Variants in MSRA observed in about 807,000 individuals in gnomAD.
MSRA encodes methionine sulfoxide reductase A.
Under a neutral mutation model 31.3 loss-of-function variants are expected in MSRA, and 54 were observed. That is an observed-to-expected ratio of 1.73 (90% confidence interval 1.39 to 2.17). The LOEUF (loss-of-function observed/expected upper bound fraction) is 2.17, where lower values mean the gene tolerates loss of function less well. Among genes scored for constraint, MSRA ranks in the 30% most tolerant of loss-of-function variants. The pLI is 0.00. For synonymous variants in MSRA, 169 were observed against 116.5 expected, an observed-to-expected ratio of 1.45 and a Z score of -2.90; for missense variants, 507 against 300.9, an observed-to-expected ratio of 1.69 and a Z score of -5.07.
intron 3 of MSRA, among the ~76,000 whole-genome samples, chr8:10,249,085 T>C (rs1419993489): frequency 6.6e-6 from 1 of 152,160 alleles, no homozygotes; most frequent in Non-Finnish European, 1.5e-5. Flanking sequence ...CTCTTGGGTG[T>C]TCTGGGCAGA....
At chr8:10,328,262 C>A (rs560806838) in intron 5 of MSRA, among the ~76,000 whole-genome samples, 1 of 133,322 alleles carries the variant, frequency 7.5e-6, no homozygotes, top group Admixed American at 7.6e-5. Context: ...CCTCCCCACT[C>A]ATTGACACCC....
At chr8:10,377,803 C>T (rs576202767) in intron 5 of MSRA, among the ~76,000 whole-genome samples, 2 of 152,218 alleles carry the variant, frequency 1.3e-5, no homozygotes, top group Admixed American at 6.5e-5. Context: ...TGAACAGCCA[C>T]GTGCTGGGTG....
chr8:10,349,779 G>A (rs6989061), intron 5 of MSRA, among the ~76,000 whole-genome samples: 24,789 of 152,272 alleles, frequency 0.16, 2,748 homozygotes, highest in Non-Finnish European at 0.25. Context: ...CCATCTCCCC[G>A]TTGCTGTTTT....
intron 5 of MSRA, among the ~76,000 whole-genome samples, chr8:10,334,118 C>A (rs1165505492): frequency 6.6e-6 from 1 of 151,316 alleles, no homozygotes; most frequent in Non-Finnish European, 1.5e-5. Context: ...TGCCTGCTTT[C>A]CTGCCTGCGT....
intron 5 of MSRA, among the ~76,000 whole-genome samples, chr8:10,370,814 T>C (rs1210408537): frequency 6.6e-6 from 1 of 152,236 alleles, no homozygotes; most frequent in African/African-American, 2.4e-5. Context: ...TGGCTGGCCA[T>C]GTGGATTTGT....
chr8:10,189,929 C>T (rs751817252), intron 1 of MSRA, among the ~76,000 whole-genome samples: 1 of 152,104 alleles, frequency 6.6e-6, no homozygotes, highest in South Asian at 2.1e-4. Context: ...TAGAGTTTCT[C>T]AGTGAAAATC....
chr8:10,197,253 G>A (rs1382649076), intron 1 of MSRA, among the ~76,000 whole-genome samples: 1 of 152,170 alleles, frequency 6.6e-6, no homozygotes, highest in Non-Finnish European at 1.5e-5. Flanking sequence ...AATATTATAT[G>A]CTTATCACAG....
chr8:10,335,161 A>G (rs1407625376), intron 5 of MSRA, among the ~76,000 whole-genome samples: 1 of 150,942 alleles, frequency 6.6e-6, no homozygotes, highest in East Asian at 2.0e-4. Flanking sequence ...CAGCTTCTCC[A>G]TGGAATGGGA....
Position 10,171,763 on chromosome 8 carries a change from G to A in MSRA, c.143-36070G>A, listed in dbSNP as rs114805073. ...AATGTCTTTGCAGTTTGTTTAGGTG[G>A]TAGTGGAATTTGTACAAAGTATCAG... On this transcript the variant is annotated intron_variant, in intron 1 of 5. Coordinates refer to ENST00000317173, the MANE Select transcript of MSRA (RefSeq NM_012331.5). 3.6e-3 allele frequency among the ~76,000 whole-genome samples: 549 copies of A among 152,316 alleles called. 5 individuals are homozygous for A. The highest frequency in any genetic ancestry group is 0.012 in the African/African-American group (501 of 41,560).
chr8:10,243,736 C>G (rs1191933222), intron 2 of MSRA, among the ~76,000 whole-genome samples: 2 of 152,006 alleles, frequency 1.3e-5, no homozygotes, highest in East Asian at 1.9e-4. Context: ...TTCTTCCAGT[C>G]TAATTTTGGT....
At chr8:10,192,222 A>G (rs1266017090) in intron 1 of MSRA, among the ~76,000 whole-genome samples, 6 of 152,362 alleles carry the variant, frequency 3.9e-5, no homozygotes, top group Admixed American at 1.3e-4. Context: ...GTAGCAGTGA[A>G]TCACTAAGTT....
intron 5 of MSRA, among the ~76,000 whole-genome samples, chr8:10,403,995 G>T (rs1807632070): frequency 2.0e-5 from 3 of 152,192 alleles, no homozygotes; most frequent in Non-Finnish European, 4.4e-5. Flanking sequence ...AATGTGTTGG[G>T]CGGGGGACTG....
chr8:10,262,796 T>A (rs1207306180), intron 3 of MSRA, among the ~76,000 whole-genome samples: 1 of 152,250 alleles, frequency 6.6e-6, no homozygotes, highest in African/African-American at 2.4e-5. Context: ...CTCAATATTC[T>A]CCCAGAAAGT....
intron 3 of MSRA, among the ~76,000 whole-genome samples, chr8:10,283,129 T>C (rs1585358560): frequency 7.2e-6 from 1 of 138,488 alleles, no homozygotes; most frequent in African/African-American, 2.7e-5. Context: ...ATATTCACAT[T>C]ACACACACAC....
rs150452055 is a variant in MSRA at position 10,184,771 on chromosome 8, A to T, written c.143-23062A>T. On this transcript the variant is annotated intron_variant, in intron 1 of 5. Coordinates refer to ENST00000317173, the MANE Select transcript of MSRA (RefSeq NM_012331.5). ...TCTAGATTCAGAAAAGTTAGTTTAC[A>T]TGTCAAAGGACACACAGTCGTATAA... Among the ~76,000 whole-genome samples, 583 of 152,286 alleles carry T rather than the reference A, an allele frequency of 3.8e-3. 7 individuals are homozygous for T. The highest frequency in any genetic ancestry group is 0.014 in the African/African-American group (564 of 41,554).
At chr8:10,073,600 C>A (rs1312647981) in intron 1 of MSRA, among the ~76,000 whole-genome samples, 1 of 151,878 alleles carries the variant, frequency 6.6e-6, no homozygotes, top group Non-Finnish European at 1.5e-5. Flanking sequence ...GATATTCTAC[C>A]ATGGTTGCAA....
At chr8:10,404,392 G>A (rs1473275682) in intron 5 of MSRA, among the ~76,000 whole-genome samples, 4 of 152,232 alleles carry the variant, frequency 2.6e-5, no homozygotes, top group Admixed American at 6.5e-5. Flanking sequence ...GGGAAGTGAC[G>A]ATCCCGTCAC....
intron 1 of MSRA, among the ~76,000 whole-genome samples, chr8:10,180,298 C>T (rs986855085): frequency 1.3e-5 from 2 of 152,226 alleles, no homozygotes; most frequent in South Asian, 2.1e-4. Context: ...GGAAGAGGTG[C>T]ATAGGTCAGG....
At chr8:10,330,858 G>A (rs372554474) in intron 5 of MSRA, among the ~76,000 whole-genome samples, 39 of 152,270 alleles carry the variant, frequency 2.6e-4, no homozygotes, top group South Asian at 8.3e-4. Flanking sequence ...GTTATGGACC[G>A]AATATCTGTG....
Sources: allele counts gnomAD v4.1 joint callset (sites outside exome capture counted in the v4.1 genomes callset), GRCh38; gene constraint gnomAD v4.1.1; transcripts MANE v1.5; gene names NCBI Gene and HGNC (gene_info 2026-07-23, HGNC 2026-07-21).